Variants in COL5A2 observed in about 807,000 individuals in gnomAD.
COL5A2 encodes the protein collagen alpha-2(V) chain.
Under a neutral mutation model 208.2 loss-of-function variants are expected in COL5A2, and 23 were observed. The observed-to-expected ratio is 0.11, with a 90% CI of 0.08 to 0.16. COL5A2 has a LOEUF of 0.16. Ranked by LOEUF, COL5A2 falls within the 10% of genes least tolerant of loss-of-function variation. The probability of loss-of-function intolerance (pLI) is 1.00; values close to 1 mark genes in which losing one functional copy is unlikely to be tolerated. For missense variants in COL5A2, 1,590 were observed against 1,956.4 expected, an observed-to-expected ratio of 0.81 and a Z score of 3.53; for synonymous variants, 625 against 628.5, an observed-to-expected ratio of 0.99 and a Z score of 0.08.
rs193292380 is a variant in COL5A2, at chr2:189,107,759, T to A, written c.322+2466A>T. Among the ~76,000 whole-genome samples the A allele has an allele frequency of 1.6e-3, 249 of 151,764 alleles. 1 individual carries two copies. The highest frequency in any genetic ancestry group is 1.9e-3 in the Non-Finnish European group (126 of 67,610). ...AACTTCTTATGTTTAAAAAGATTTATATATTAGTTCTATCAATTATATTCC... is the reference window on the plus strand; with the variant it reads ...AACTTCTTATGTTTAAAAAGATTTAAATATTAGTTCTATCAATTATATTCC... On this transcript the variant is annotated intron_variant, in intron 2 of 53. Coordinates refer to ENST00000374866, the MANE Select transcript of COL5A2 (RefSeq NM_000393.5).
At chr2:189,325,315 T>TA in the COL5A2 span, among the ~76,000 whole-genome samples, 10 of 138,954 alleles carry the variant, frequency 7.2e-5, no homozygotes, top group African/African-American at 2.0e-4. Flanking sequence ...TAAAGTATAA[T>TA]AAAAAAAAAT....
the COL5A2 span, among the ~76,000 whole-genome samples, chr2:189,322,244 A>AT: frequency 6.6e-6 from 1 of 152,222 alleles, no homozygotes; most frequent in Non-Finnish European, 1.5e-5. Flanking sequence ...TAAAATTGAC[A>AT]CCCTAACATC....
intron 1 of COL5A2, among the ~76,000 whole-genome samples, chr2:189,117,521 A>G (rs1373134561): frequency 6.6e-6 from 1 of 152,088 alleles, no homozygotes; most frequent in Non-Finnish European, 1.5e-5. Context: ...ATATTGCTTG[A>G]GATCAACAGG....
chr2:189,160,385 C>G (rs552722748), intron 1 of COL5A2, among the ~76,000 whole-genome samples: 126 of 152,248 alleles, frequency 8.3e-4, no homozygotes, highest in Non-Finnish European at 1.7e-3. Flanking sequence ...TCTAAGAAAG[C>G]CTTTCTATAT....
At chr2:189,079,576 A>T (rs1457593881) in intron 14 of COL5A2, among the ~76,000 whole-genome samples, 1 of 152,216 alleles carries the variant, frequency 6.6e-6, no homozygotes, top group Non-Finnish European at 1.5e-5. Context: ...GTAGAAATAC[A>T]AATAAATTTT....
the COL5A2 span, among the ~76,000 whole-genome samples, chr2:189,398,584 C>T: frequency 5.3e-5 from 8 of 151,952 alleles, no homozygotes; most frequent in Non-Finnish European, 1.2e-4. Flanking sequence ...TTCATTATAT[C>T]AGCTTTCTTC....
chr2:189,249,365 CA>C, the COL5A2 span, among the ~76,000 whole-genome samples: 1 of 152,112 alleles, frequency 6.6e-6, no homozygotes, highest in Admixed American at 6.5e-5. Flanking sequence ...TATGTTATGG[CA>C]AAACTCCAGC....
the COL5A2 span, among the ~76,000 whole-genome samples, chr2:189,328,962 T>C: frequency 4.6e-5 from 7 of 152,298 alleles, no homozygotes; most frequent in East Asian, 9.6e-4. Context: ...ATAGAACTAT[T>C]ATATGATTCA....
At chr2:189,149,587 C>G (rs1343851345) in intron 1 of COL5A2, among the ~76,000 whole-genome samples, 1 of 152,104 alleles carries the variant, frequency 6.6e-6, no homozygotes, top group Non-Finnish European at 1.5e-5. Context: ...AAAAAAGTCA[C>G]ATATGAAAAA....
chr2:189,049,048 G>GA (rs1218994440), intron 44 of COL5A2, among the ~76,000 whole-genome samples: 1 of 150,332 alleles, frequency 6.7e-6, no homozygotes, highest in East Asian at 1.9e-4. Context: ...TAATAACAAG[G>GA]GAAAGATGAA....
At chr2:189,264,314 C>T in the COL5A2 span, among the ~76,000 whole-genome samples, 134 of 151,908 alleles carry the variant, frequency 8.8e-4, 3 homozygotes, top group South Asian at 0.012. Context: ...GTATTCTGAC[C>T]ATGTCTGTTT....
intron 1 of COL5A2, among the ~76,000 whole-genome samples, chr2:189,164,591 C>T (rs1260351590): frequency 6.6e-6 from 1 of 151,836 alleles, no homozygotes; most frequent in African/African-American, 2.4e-5. Flanking sequence ...TTGTTTACTT[C>T]AGAGAAGAAT....
At chr2:189,086,980 C>T (rs1686676790) in intron 8 of COL5A2, among the ~76,000 whole-genome samples, 1 of 152,148 alleles carries the variant, frequency 6.6e-6, no homozygotes, top group African/African-American at 2.4e-5. Context: ...TACATAACTT[C>T]AGTGTTATAA....
rs1271324694 is a variant in COL5A2, at chr2:189,085,359, T to C, written c.745-146A>G. On this transcript the variant is annotated intron_variant, in intron 10 of 53. Coordinates refer to ENST00000374866, the MANE Select transcript of COL5A2 (RefSeq NM_000393.5). Reference sequence around the variant, plus strand: ...ATAAATATTGTTGAGACAGAGAAAATAGTTTTATTAAAGTTTTGAATTTTA... The same window carrying C: ...ATAAATATTGTTGAGACAGAGAAAACAGTTTTATTAAAGTTTTGAATTTTA... The C allele has an allele frequency of 2.4e-5, 20 of 843,642 alleles. No individual in the cohort carries two copies. The East Asian group carries it at 4.4e-4, about 18-fold the overall frequency. 52.3% of individuals were successfully genotyped at this position (843,642 alleles called of 1,614,324 possible).
chr2:189,367,799 A>G, the COL5A2 span, among the ~76,000 whole-genome samples: 3 of 152,330 alleles, frequency 2.0e-5, no homozygotes, highest in African/African-American at 7.2e-5. Context: ...ATTGCCTGCC[A>G]TGGGCCTTCA....
intron 16 of COL5A2, among the ~76,000 whole-genome samples, chr2:189,077,337 T>C (rs1456474308): frequency 1.3e-5 from 2 of 152,144 alleles, no homozygotes; most frequent in Admixed American, 1.3e-4. Flanking sequence ...AGAAAGAATG[T>C]ATGGGTCTTG....
chr2:189,429,554 T>C, the COL5A2 span, among the ~76,000 whole-genome samples: 4 of 152,246 alleles, frequency 2.6e-5, no homozygotes, highest in African/African-American at 9.6e-5. Flanking sequence ...GGGGTTGCCC[T>C]ACTTAAGAGT....
At chr2:189,221,604 C>T (rs894262649) in intron 1 of COL5A2, among the ~76,000 whole-genome samples, 8 of 152,084 alleles carry the variant, frequency 5.3e-5, no homozygotes, top group Admixed American at 1.3e-4. Flanking sequence ...TCAGACATTA[C>T]AACCTCTTTA....
the COL5A2 span, among the ~76,000 whole-genome samples, chr2:189,300,913 A>G: frequency 6.6e-6 from 1 of 152,210 alleles, no homozygotes; most frequent in African/African-American, 2.4e-5. Flanking sequence ...CTGGCTGGGC[A>G]TGGTGGATCA....
Sources: gnomAD v4.1 joint callset for allele counts (sites outside exome capture counted in the v4.1 genomes callset) on GRCh38, gnomAD v4.1.1 for gene constraint, MANE v1.5 for transcripts, NCBI Gene and HGNC (gene_info 2026-07-23, HGNC 2026-07-21) for gene names.